TECRL: variants seen among roughly 807,000 people sequenced by gnomAD.
TECRL encodes trans-2,3-enoyl-CoA reductase-like.
In TECRL, 63 loss-of-function variants were observed where a neutral mutation model predicts 52.8. The ratio of observed to expected loss-of-function variants is 1.19; its 90% CI spans 0.97 to 1.47. The LOEUF (loss-of-function observed/expected upper bound fraction) is 1.47, where lower values mean the gene tolerates loss of function less well. TECRL is among the 40% of genes most tolerant of loss of function. TECRL has a pLI of 0.00. For synonymous variants in TECRL, 164 were observed against 141.9 expected (o/e 1.16, Z -1.10); for missense variants, 482 against 429.6 (o/e 1.12, Z -1.08).
chr4:64,376,085 TA>T (rs977640704), intron 1 of TECRL, among the ~76,000 whole-genome samples: 91 of 152,006 alleles, frequency 6.0e-4, no homozygotes, highest in Middle Eastern at 3.4e-3. Flanking sequence ...AAGGGTTAAA[TA>T]AAAAATGCAT....
chr4:64,353,499 G>A (rs762167805), intron 2 of TECRL, among the ~76,000 whole-genome samples: 2 of 152,052 alleles, frequency 1.3e-5, no homozygotes, highest in South Asian at 2.1e-4. Context: ...TAAACTGAGT[G>A]GATAATTGGA....
At chr4:64,394,378 T>C (rs1336628799) in intron 1 of TECRL, among the ~76,000 whole-genome samples, 2 of 152,156 alleles carry the variant, frequency 1.3e-5, no homozygotes, top group Non-Finnish European at 2.9e-5. Flanking sequence ...TAGTGTCTTT[T>C]GAAAGTTGAA....
At chr4:64,404,518 T>C (rs1165241982) in intron 1 of TECRL, among the ~76,000 whole-genome samples, 1 of 152,100 alleles carries the variant, frequency 6.6e-6, no homozygotes, top group African/African-American at 2.4e-5. Flanking sequence ...TACTTGAAAA[T>C]GGTATTTAAC....
At chr4:64,300,324 C>T (rs1024999635) in intron 7 of TECRL, among the ~76,000 whole-genome samples, 2 of 150,196 alleles carry the variant, frequency 1.3e-5, no homozygotes, top group Non-Finnish European at 3.0e-5. Flanking sequence ...TAAGTATGGC[C>T]AAGCATATAA....
intron 1 of TECRL, among the ~76,000 whole-genome samples, chr4:64,382,224 TATATATATATAG>T (rs1423315677): frequency 2.0e-3 from 6 of 2,930 alleles, no homozygotes; most frequent in Admixed American, 7.5e-3. Context: ...TATATATATA[TATATATATATAG>T]TATTATGTAT....
intron 3 of TECRL, among the ~76,000 whole-genome samples, chr4:64,323,693 A>G (rs1718061763): frequency 6.6e-6 from 1 of 152,196 alleles, no homozygotes. Flanking sequence ...AAAATGTATC[A>G]GTTGTAAATA....
At chr4:64,362,947 C>T (rs1002870600) in intron 2 of TECRL, among the ~76,000 whole-genome samples, 1 of 151,208 alleles carries the variant, frequency 6.6e-6, no homozygotes, top group Non-Finnish European at 1.5e-5. Context: ...TTCAAGAGAC[C>T]CATCTCATAT....
At chr4:64,389,248 A>T (rs984084511) in intron 1 of TECRL, among the ~76,000 whole-genome samples, 27 of 151,898 alleles carry the variant, frequency 1.8e-4, no homozygotes, top group African/African-American at 9.7e-5. Context: ...CGTGACCTGT[A>T]GGTCTTTCGG....
intron 2 of TECRL, among the ~76,000 whole-genome samples, chr4:64,354,155 A>T (rs1302827220): frequency 6.6e-6 from 1 of 152,190 alleles, no homozygotes; most frequent in African/African-American, 2.4e-5. Flanking sequence ...TGAGTGTTAA[A>T]TGATAGATAG....
At chr4:64,302,095 A>T (rs1341945995) in intron 7 of TECRL, among the ~76,000 whole-genome samples, 1 of 151,308 alleles carries the variant, frequency 6.6e-6, no homozygotes, top group Non-Finnish European at 1.5e-5. Context: ...GGGTATATTA[A>T]AATGTTCCTG....
At chr4:64,336,837 C>T (rs1719124963) in intron 2 of TECRL, among the ~76,000 whole-genome samples, 1 of 152,100 alleles carries the variant, frequency 6.6e-6, no homozygotes, top group South Asian at 2.1e-4. Flanking sequence ...TTTCTTAATC[C>T]TGAGTTCTAG....
intron 1 of TECRL, among the ~76,000 whole-genome samples, chr4:64,381,968 T>G (rs976351113): frequency 6.6e-6 from 1 of 151,802 alleles, no homozygotes; most frequent in East Asian, 1.9e-4. Context: ...TTATGAAGAA[T>G]TCCTTTCTTT....
chr4:64,314,867 A>G, intron 4 of TECRL, 104 bp from the exon 5 acceptor site: 1 of 784,600 alleles, frequency 1.3e-6, no homozygotes, highest in East Asian at 2.7e-5. Context: ...TGAAACAGGT[A>G]GATTTTTTGT....
intron 3 of TECRL, among the ~76,000 whole-genome samples, chr4:64,324,481 T>C (rs1418148765): frequency 6.6e-6 from 1 of 151,994 alleles, no homozygotes; most frequent in Non-Finnish European, 1.5e-5. Context: ...CCAGTCTCTA[T>C]TTTTGAAATA....
intron 2 of TECRL, among the ~76,000 whole-genome samples, chr4:64,336,040 GAGGATTCTCTCTTTTTCT>G (rs987389077): frequency 1.3e-5 from 2 of 152,142 alleles, no homozygotes; most frequent in African/African-American, 4.8e-5. Flanking sequence ...ATGAGTTAGG[GAGGATTCTCTCTTTTTCT>G]ATTGATTGGA....
chr4:64,310,060 A>C, intron 5 of TECRL, 129 bp from the exon 6 acceptor site: 1 of 553,504 alleles, frequency 1.8e-6, no homozygotes, highest in Middle Eastern at 3.8e-4. Context: ...GGTAGCTAAA[A>C]CACAAATACT....
At chr4:64,276,904 C>G, downstream of TECRL, 1 of 567,804 alleles carries the variant, frequency 1.8e-6, no homozygotes, top group Admixed American at 3.0e-5. Flanking sequence ...TATAGTAACT[C>G]CTAAAACCTG....
intron 1 of TECRL, among the ~76,000 whole-genome samples, chr4:64,375,719 C>T (rs1191348358): frequency 6.6e-6 from 1 of 151,684 alleles, no homozygotes; most frequent in African/African-American, 2.4e-5. Context: ...AATAAAAGTA[C>T]TAAAGGTCCA....
intron 5 of TECRL, among the ~76,000 whole-genome samples, chr4:64,313,209 C>A (rs1382752655): frequency 1.3e-5 from 2 of 151,876 alleles, no homozygotes; most frequent in South Asian, 4.2e-4. Context: ...GAAATTAGTT[C>A]TTTATCTTTT....
Sources: gnomAD v4.1 joint callset for allele counts (sites outside exome capture counted in the v4.1 genomes callset) on GRCh38, gnomAD v4.1.1 for gene constraint, MANE v1.5 for transcripts, NCBI Gene and HGNC (gene_info 2026-07-23, HGNC 2026-07-21) for gene names.